The following CMSS1 variants were observed in gnomAD, a reference collection of about 807,000 sequenced individuals.
CMSS1 encodes the protein protein CMSS1.
In CMSS1, 33 loss-of-function variants were observed where a neutral mutation model predicts 43.5. That is an observed-to-expected ratio of 0.76 (90% CI 0.57 to 1.01). The LOEUF is 1.01. Ranked by LOEUF, CMSS1 falls within the 50% of genes least tolerant of loss-of-function variation. The probability of loss-of-function intolerance (pLI) is 0.00; values close to 1 mark genes in which losing one functional copy is unlikely to be tolerated. For synonymous variants in CMSS1, 115 were observed against 117.2 expected (o/e 0.98, Z 0.12); for missense variants, 313 against 326.4 (o/e 0.96, Z 0.32).
At chr3:100,164,775 T>A (rs901605438) in intron 4 of CMSS1, among the ~76,000 whole-genome samples, 2 of 152,096 alleles carry the variant, frequency 1.3e-5, no homozygotes, top group Non-Finnish European at 2.9e-5. Flanking sequence ...TATATACACA[T>A]ATAAGGTAGA....
intron 1 of CMSS1, among the ~76,000 whole-genome samples, chr3:100,111,313 A>T (rs531795680): frequency 1.3e-5 from 2 of 152,306 alleles, no homozygotes; most frequent in Admixed American, 1.3e-4. Flanking sequence ...ACTCATGTTG[A>T]AAATGCAGAA....
At chr3:100,004,591 T>G (rs1343091858) in intron 1 of CMSS1, among the ~76,000 whole-genome samples, 1 of 152,108 alleles carries the variant, frequency 6.6e-6, no homozygotes, top group African/African-American at 2.4e-5. Context: ...ATACAAGGAA[T>G]TAAGAAACAT....
chr3:99,847,199 T>TA (rs1044031540), intron 1 of CMSS1, among the ~76,000 whole-genome samples: 5 of 151,456 alleles, frequency 3.3e-5, no homozygotes, highest in African/African-American at 4.8e-5. Flanking sequence ...TTTGCTTGTT[T>TA]AAAAAAAACT....
intron 1 of CMSS1, chr3:99,848,695 G>A: frequency 1.2e-6 from 2 of 1,614,194 alleles, no homozygotes; most frequent in Non-Finnish European, 8.5e-7. Context: ...CCTTTCTGGA[G>A]TTAGAGAACC....
intron 1 of CMSS1, chr3:99,850,924 GC>G (rs1943660758): frequency 6.2e-7 from 1 of 1,614,150 alleles, no homozygotes. Context: ...GGTGAGCTGT[GC>G]CGTCAGCCTT....
intron 1 of CMSS1, among the ~76,000 whole-genome samples, chr3:100,128,427 A>G (rs576761099): frequency 2.0e-5 from 3 of 152,264 alleles, no homozygotes; most frequent in South Asian, 4.1e-4. Context: ...TAAACATAAC[A>G]TATGGTAGAG....
At chr3:100,065,314 A>C (rs1246279410) in intron 1 of CMSS1, among the ~76,000 whole-genome samples, 2 of 152,182 alleles carry the variant, frequency 1.3e-5, no homozygotes, top group African/African-American at 4.8e-5. Flanking sequence ...CCATTGCTCT[A>C]AATTGCAATT....
intron 1 of CMSS1, among the ~76,000 whole-genome samples, chr3:99,962,971 G>A (rs1708538733): frequency 6.6e-6 from 1 of 152,194 alleles, no homozygotes; most frequent in Admixed American, 6.5e-5. Context: ...TTACTCACAG[G>A]CATTGCTGCA....
intron 1 of CMSS1, among the ~76,000 whole-genome samples, chr3:99,966,425 T>G (rs913973397): frequency 4.6e-5 from 7 of 152,304 alleles, no homozygotes; most frequent in Middle Eastern, 6.8e-3. Flanking sequence ...TATATAGTTT[T>G]AGAGGTTAGA....
At chr3:100,151,774 TCAATGTGCAGAATATACTCACCCCTC>T (rs2066911225) in intron 2 of CMSS1, among the ~76,000 whole-genome samples, 1 of 152,222 alleles carries the variant, frequency 6.6e-6, no homozygotes, top group African/African-American at 2.4e-5. Flanking sequence ...TTATATCCCT[TCAATGTGCAGAATATACTCACCCCTC>T]CAAGGATTGC....
At chr3:100,062,009 T>C (rs991281061) in intron 1 of CMSS1, among the ~76,000 whole-genome samples, 2 of 150,330 alleles carry the variant, frequency 1.3e-5, no homozygotes, top group Admixed American at 1.3e-4. Context: ...TCTTCCCAAA[T>C]TGAAAGCCTT....
intron 1 of CMSS1, among the ~76,000 whole-genome samples, chr3:100,087,010 A>G (rs1186686912): frequency 6.6e-6 from 1 of 152,220 alleles, no homozygotes; most frequent in East Asian, 1.9e-4. Context: ...GATACTATCC[A>G]AATTGTCATG....
At chr3:99,973,003 T>C (rs1023119414) in intron 1 of CMSS1, among the ~76,000 whole-genome samples, 83 of 152,110 alleles carry the variant, frequency 5.5e-4, no homozygotes, top group Non-Finnish European at 7.4e-5. Flanking sequence ...GCCAGAGAAT[T>C]TGGGACAGAA....
intron 1 of CMSS1, among the ~76,000 whole-genome samples, chr3:99,914,501 C>T (rs1706890184): frequency 6.6e-6 from 1 of 152,126 alleles, no homozygotes; most frequent in Admixed American, 6.5e-5. Context: ...TGATTCATGT[C>T]ATTAACATTC....
chr3:99,818,732 G>A (rs932965233), intron 1 of CMSS1, among the ~76,000 whole-genome samples: 2 of 152,186 alleles, frequency 1.3e-5, no homozygotes, highest in Non-Finnish European at 2.9e-5. Context: ...AACTTGACAA[G>A]TTCACAAAGC....
intron 1 of CMSS1, among the ~76,000 whole-genome samples, chr3:100,096,863 A>G (rs1048271309): frequency 1.3e-5 from 2 of 152,194 alleles, no homozygotes; most frequent in Non-Finnish European, 2.9e-5. Context: ...CTGTATCAAA[A>G]TATCTCATAT....
At chr3:99,831,270 A>C (rs755080465) in intron 1 of CMSS1, among the ~76,000 whole-genome samples, 33 of 152,372 alleles carry the variant, frequency 2.2e-4, no homozygotes, top group Non-Finnish European at 4.0e-4. Flanking sequence ...AGATATGTTA[A>C]AAGTAGAATT....
chr3:99,891,870 C>T (rs930759705), intron 1 of CMSS1, among the ~76,000 whole-genome samples: 2 of 152,136 alleles, frequency 1.3e-5, no homozygotes, highest in Admixed American at 6.5e-5. Context: ...CAAAACTACA[C>T]TTTTTAAGTT....
At chr3:100,052,945 T>A (rs563220169) in intron 1 of CMSS1, among the ~76,000 whole-genome samples, 24 of 152,340 alleles carry the variant, frequency 1.6e-4, no homozygotes, top group African/African-American at 5.5e-4. Flanking sequence ...TTCCCCTAAA[T>A]AAGATGAAAT....
Sources: allele counts gnomAD v4.1 joint callset (sites outside exome capture counted in the v4.1 genomes callset), GRCh38; gene constraint gnomAD v4.1.1; transcripts MANE v1.5; gene names NCBI Gene and HGNC (gene_info 2026-07-23, HGNC 2026-07-21).